STAU2: variants seen among roughly 807,000 people sequenced by gnomAD.
The protein encoded by STAU2 is staufen double-stranded RNA binding protein 2.
STAU2 carries 20 observed loss-of-function variants against 65.9 expected under a neutral mutation model. That is an observed-to-expected ratio of 0.30 (90% CI 0.21 to 0.44). The LOEUF is 0.44. Ranked by LOEUF, STAU2 falls within the 20% of genes least tolerant of loss-of-function variation. The pLI is 1.00. For missense variants in STAU2, 558 were observed against 683.9 expected (o/e 0.82, Z 2.05); for synonymous variants, 232 against 233.9 (o/e 0.99, Z 0.07).
chr8:73,718,753 A>T (rs933032018), intron 3 of STAU2, among the ~76,000 whole-genome samples: 3 of 152,154 alleles, frequency 2.0e-5, no homozygotes, highest in Admixed American at 1.3e-4. Context: ...TTTCTTTAAC[A>T]TATTTTGTTA....
intron 13 of STAU2, among the ~76,000 whole-genome samples, chr8:73,507,561 A>G (rs1822137617): frequency 2.0e-5 from 3 of 152,184 alleles, no homozygotes; most frequent in Non-Finnish European, 4.4e-5. Context: ...ATTTAGCCTA[A>G]TTCTTAAAGG....
intron 8 of STAU2, among the ~76,000 whole-genome samples, chr8:73,614,478 GA>G (rs1427431430): frequency 6.6e-6 from 1 of 152,150 alleles, no homozygotes; most frequent in Non-Finnish European, 1.5e-5. Flanking sequence ...CTGTTTTACA[GA>G]AAGGGATATT....
At chr8:73,654,245 T>C (rs1354158803) in intron 6 of STAU2, among the ~76,000 whole-genome samples, 1 of 152,154 alleles carries the variant, frequency 6.6e-6, no homozygotes, top group African/African-American at 2.4e-5. Context: ...TACAATTTTA[T>C]TATTTTATAA....
At chr8:73,691,095 A>C (rs187265316) in intron 4 of STAU2, among the ~76,000 whole-genome samples, 1 of 152,296 alleles carries the variant, frequency 6.6e-6, no homozygotes, top group East Asian at 1.9e-4. Flanking sequence ...TCAGGAAAGC[A>C]TATTAAATTT....
chr8:73,645,620 G>A (rs1038088708), intron 6 of STAU2, among the ~76,000 whole-genome samples: 4 of 152,132 alleles, frequency 2.6e-5, no homozygotes, highest in Non-Finnish European at 4.4e-5. Context: ...GTATTAGTCC[G>A]TTCTCACATT....
At chr8:73,746,419 C>A (rs571446753) in intron 1 of STAU2, among the ~76,000 whole-genome samples, 24 of 152,124 alleles carry the variant, frequency 1.6e-4, no homozygotes, top group African/African-American at 5.1e-4. Context: ...CAGCCTCCCG[C>A]GCCCGCAGCC....
intron 13 of STAU2, among the ~76,000 whole-genome samples, chr8:73,530,580 G>A (rs1225867489): frequency 1.3e-5 from 2 of 152,174 alleles, no homozygotes; most frequent in Non-Finnish European, 2.9e-5. Flanking sequence ...CTGGTGGGAG[G>A]CTTGCTGAGA....
rs191686753 is a variant in STAU2, at chr8:73,608,468, G to A, written c.892-4605C>T. On this transcript the variant is annotated intron_variant, in intron 9 of 14. Coordinates refer to ENST00000524300, the MANE Select transcript of STAU2 (RefSeq NM_001164380.2). ...CTAAAAAAACAAAAATTAGCCACGC[G>A]TGGTGGCGCACGCCTGTAATCCCAG... 1.0e-3 allele frequency among the ~76,000 whole-genome samples: 152 copies of A among 151,746 alleles called. 1 individual carries two copies. The highest frequency in any genetic ancestry group is 3.1e-3 in the African/African-American group (129 of 41,402).
intron 13 of STAU2, among the ~76,000 whole-genome samples, chr8:73,494,510 CTTGT>C (rs958734523): frequency 4.6e-5 from 7 of 151,618 alleles, no homozygotes; most frequent in South Asian, 2.1e-4. Flanking sequence ...TTAATAGACA[CTTGT>C]TTATTTTTGT....
intron 13 of STAU2, among the ~76,000 whole-genome samples, chr8:73,432,891 G>A (rs533141984): frequency 1.2e-4 from 18 of 152,326 alleles, no homozygotes; most frequent in African/African-American, 4.1e-4. Flanking sequence ...GAGACACATA[G>A]ATTTTAGACA....
intron 2 of STAU2, 26 bp from the exon 3 acceptor site, chr8:73,738,375 A>C (rs1563539974): frequency 1.3e-6 from 2 of 1,556,528 alleles, no homozygotes; most frequent in Non-Finnish European, 1.7e-6. Context: ...GAAGAAATAA[A>C]GTTCAACTTA....
intron 12 of STAU2, among the ~76,000 whole-genome samples, chr8:73,555,122 C>T (rs575801479): frequency 1.5e-4 from 23 of 152,230 alleles, no homozygotes; most frequent in African/African-American, 5.5e-4. Context: ...TCACTAGAGA[C>T]AGGTGTATAG....
chr8:73,578,064 T>C (rs1440995099), intron 12 of STAU2, among the ~76,000 whole-genome samples: 1 of 152,188 alleles, frequency 6.6e-6, no homozygotes, highest in Non-Finnish European at 1.5e-5. Flanking sequence ...CATCCGTTGC[T>C]CTTATGCTTA....
chr8:73,747,315 ACTTC>A, upstream of STAU2: 8 of 1,509,664 alleles, frequency 5.3e-6, no homozygotes, highest in Non-Finnish European at 7.1e-6. Context: ...CAACTCGGCA[ACTTC>A]CTTCCCCGCC....
At chr8:73,513,271 A>T (rs1822516530) in intron 13 of STAU2, among the ~76,000 whole-genome samples, 1 of 152,004 alleles carries the variant, frequency 6.6e-6, no homozygotes, top group Non-Finnish European at 1.5e-5. Flanking sequence ...TCTCTACTTA[A>T]TTTTTTAAAA....
chr8:73,703,180 G>A (rs927521513), intron 4 of STAU2, among the ~76,000 whole-genome samples: 10 of 152,160 alleles, frequency 6.6e-5, no homozygotes, highest in Non-Finnish European at 1.5e-4. Context: ...TGGATCATGG[G>A]GGTGGATTTC....
chr8:73,558,305 C>T (rs192099439), intron 12 of STAU2, among the ~76,000 whole-genome samples: 6 of 152,326 alleles, frequency 3.9e-5, no homozygotes, highest in Admixed American at 3.9e-4. Context: ...ACCAAAATCT[C>T]ACTGAAGTAT....
At chr8:73,547,868 T>A (rs941581480) in intron 13 of STAU2, among the ~76,000 whole-genome samples, 12 of 151,878 alleles carry the variant, frequency 7.9e-5, no homozygotes, top group African/African-American at 2.9e-4. Context: ...TCCATATCCA[T>A]GGGCTATGCA....
chr8:73,505,766 C>T (rs118153437), intron 13 of STAU2, among the ~76,000 whole-genome samples: 2,276 of 151,956 alleles, frequency 0.015, 38 homozygotes, highest in South Asian at 0.056. Context: ...GGATGTCTGT[C>T]CCCTCCAAAT....
Sources: allele counts gnomAD v4.1 joint callset (sites outside exome capture counted in the v4.1 genomes callset), GRCh38; gene constraint gnomAD v4.1.1; transcripts MANE v1.5; gene names NCBI Gene and HGNC (gene_info 2026-07-23, HGNC 2026-07-21).